PRKCA: variants seen among roughly 807,000 people sequenced by gnomAD.
PRKCA encodes protein kinase C alpha type.
Under a neutral mutation model 87.0 loss-of-function variants are expected in PRKCA, and 27 were observed. The ratio of observed to expected loss-of-function variants is 0.31; its 90% CI spans 0.23 to 0.43. PRKCA has a LOEUF of 0.43. Ranked by LOEUF, PRKCA falls within the 20% of genes least tolerant of loss-of-function variation. The pLI, the probability that PRKCA is intolerant of heterozygous loss-of-function variation, is 1.00. For synonymous variants in PRKCA, 329 were observed against 311.1 expected, an observed-to-expected ratio of 1.06 and a Z score of -0.61; for missense variants, 518 against 852.3, an observed-to-expected ratio of 0.61 and a Z score of 4.88.
intron 16 of PRKCA, among the ~76,000 whole-genome samples, chr17:66,795,883 G>T (rs1470581093): frequency 6.6e-6 from 1 of 152,172 alleles, no homozygotes; most frequent in Admixed American, 6.5e-5. Context: ...TACACACGTG[G>T]CTCTCACACC....
chr17:66,762,793 T>C (rs1271029993), intron 13 of PRKCA, among the ~76,000 whole-genome samples: 1 of 152,114 alleles, frequency 6.6e-6, no homozygotes, highest in African/African-American at 2.4e-5. Flanking sequence ...ACACCTTTTT[T>C]ATTTTATTTT....
intron 2 of PRKCA, among the ~76,000 whole-genome samples, chr17:66,440,036 T>A (rs907340111): frequency 3.9e-5 from 6 of 152,162 alleles, no homozygotes; most frequent in African/African-American, 1.4e-4. Context: ...TAAATAAGGG[T>A]CTTGGGGTTT....
intron 3 of PRKCA, among the ~76,000 whole-genome samples, chr17:66,608,318 T>C (rs1183166107): frequency 6.6e-6 from 1 of 152,196 alleles, no homozygotes; most frequent in Non-Finnish European, 1.5e-5. Flanking sequence ...ATTAGAATGA[T>C]CTACAATTTG....
chr17:66,636,655 G>C (rs1403058920), intron 3 of PRKCA, among the ~76,000 whole-genome samples: 1 of 152,168 alleles, frequency 6.6e-6, no homozygotes, highest in East Asian at 1.9e-4. Context: ...TGCTCCTAAG[G>C]ATAATGTAAT....
At chr17:66,616,447 GT>G (rs1970518823) in intron 3 of PRKCA, among the ~76,000 whole-genome samples, 1 of 152,172 alleles carries the variant, frequency 6.6e-6, no homozygotes, top group South Asian at 2.1e-4. Flanking sequence ...TTTGTGATTT[GT>G]TTACTTGATT....
intron 8 of PRKCA, among the ~76,000 whole-genome samples, chr17:66,725,810 GAAA>G (rs34462337): frequency 1.8e-4 from 26 of 142,788 alleles, no homozygotes; most frequent in Non-Finnish European, 3.3e-4. Flanking sequence ...ACCCTGTCTA[GAAA>G]AAAAAAAAAA....
intron 8 of PRKCA, among the ~76,000 whole-genome samples, chr17:66,712,614 T>C (rs1973360804): frequency 6.6e-6 from 1 of 152,132 alleles, no homozygotes; most frequent in African/African-American, 2.4e-5. Context: ...CCCTTCTCCT[T>C]AAAGACTGTC....
chr17:66,555,040 G>A (rs1968454535), intron 3 of PRKCA, among the ~76,000 whole-genome samples: 1 of 152,026 alleles, frequency 6.6e-6, no homozygotes, highest in Non-Finnish European at 1.5e-5. Flanking sequence ...GCCATGCCCG[G>A]CCAAGTTTTT....
rs61762395 is a variant in PRKCA, at chr17:66,641,163, CA to C, written c.289-190del. On this transcript the variant is annotated intron_variant, in intron 3 of 16. Transcript: ENST00000413366. ...ACGAGCAAGACTCTGTCTCAAAAAACAACAGTAAATATCTAAAATATTTAGT... is the reference window on the plus strand; with the variant it reads ...ACGAGCAAGACTCTGTCTCAAAAAACACAGTAAATATCTAAAATATTTAGT... Among the ~76,000 whole-genome samples the C allele has an allele frequency of 3.7e-3, 551 of 150,082 alleles. 6 individuals are homozygous for C. The highest frequency in any genetic ancestry group is 0.013 in the African/African-American group (525 of 41,394).
intron 3 of PRKCA, among the ~76,000 whole-genome samples, chr17:66,551,013 C>T (rs866556172): frequency 2.0e-5 from 3 of 152,146 alleles, no homozygotes; most frequent in African/African-American, 4.8e-5. Context: ...TAAATTACCC[C>T]AAAACACAGT....
At chr17:66,721,210 C>T (rs1380153599) in intron 8 of PRKCA, among the ~76,000 whole-genome samples, 2 of 152,024 alleles carry the variant, frequency 1.3e-5, no homozygotes, top group African/African-American at 4.8e-5. Context: ...TCCTGGCTAA[C>T]ATGGTGAAAC....
At chr17:66,396,631 C>CTTTTTTTT in intron 2 of PRKCA, among the ~76,000 whole-genome samples, 1 of 137,248 alleles carries the variant, frequency 7.3e-6, no homozygotes, top group Admixed American at 7.6e-5. Context: ...CATTCTCTCT[C>CTTTTTTTT]TTTTTTTTTT....
intron 5 of PRKCA, among the ~76,000 whole-genome samples, chr17:66,680,237 T>C (rs1972452466): frequency 6.6e-6 from 1 of 152,174 alleles, no homozygotes; most frequent in African/African-American, 2.4e-5. Flanking sequence ...TGTTTGTTTG[T>C]TTTTTCTGCA....
rs565735818 is a variant in PRKCA, at chr17:66,801,004, A to G, written c.1855-2869A>G. 7.9e-5 allele frequency among the ~76,000 whole-genome samples: 12 copies of G among 152,350 alleles called. No homozygotes were observed. The East Asian group carries it at 2.3e-3, about 29-fold the overall frequency. ...ACTGTTGATTCACTTGAATTCTTCC[A>G]GGCAATAAGCATTGATGAATCAGGT... is the stretch of plus-strand genomic sequence containing the variant. On this transcript the variant is annotated intron_variant, in intron 16 of 16. Transcript: ENST00000413366.
chr17:66,494,889 G>C (rs1205903368), intron 2 of PRKCA, among the ~76,000 whole-genome samples: 1 of 152,098 alleles, frequency 6.6e-6, no homozygotes, highest in Non-Finnish European at 1.5e-5. Flanking sequence ...GATTGCTTGA[G>C]CTTAGGAGTT....
At chr17:66,506,448 C>T (rs79719666) in intron 3 of PRKCA, among the ~76,000 whole-genome samples, 3,627 of 152,132 alleles carry the variant, frequency 0.024, 142 homozygotes, top group African/African-American at 0.082. Context: ...CTTTGAAAGC[C>T]GAGTGCCTGA....
chr17:66,657,962 T>C (rs1971781330), intron 5 of PRKCA, among the ~76,000 whole-genome samples: 1 of 152,222 alleles, frequency 6.6e-6, no homozygotes, highest in South Asian at 2.1e-4. Flanking sequence ...ATTTAGAGGA[T>C]ACTATGGTGC....
At chr17:66,385,966 G>C (rs1391285356) in intron 2 of PRKCA, among the ~76,000 whole-genome samples, 1 of 152,062 alleles carries the variant, frequency 6.6e-6, no homozygotes, top group African/African-American at 2.4e-5. Context: ...TGCCATGTTG[G>C]CCAGACTGGT....
chr17:66,558,765 A>T (rs569253521), intron 3 of PRKCA, among the ~76,000 whole-genome samples: 9 of 152,174 alleles, frequency 5.9e-5, no homozygotes, highest in Non-Finnish European at 1.3e-4. Context: ...CAGTTGTTTT[A>T]GTCCAAGATG....
Sources: allele counts gnomAD v4.1 joint callset (sites outside exome capture counted in the v4.1 genomes callset), GRCh38; gene constraint gnomAD v4.1.1; transcripts MANE v1.5; gene names NCBI Gene and HGNC (gene_info 2026-07-23, HGNC 2026-07-21).